The following UNC5D variants were observed in gnomAD, a reference collection of about 807,000 sequenced individuals.
The protein encoded by UNC5D is netrin receptor UNC5D.
UNC5D carries 39 observed loss-of-function variants against 105.4 expected under a neutral mutation model. That is an observed-to-expected ratio of 0.37 (90% confidence interval 0.29 to 0.48). The LOEUF (loss-of-function observed/expected upper bound fraction) is 0.48. UNC5D is among the 20% of genes least tolerant of loss of function. The pLI is 0.98. For synonymous variants in UNC5D, 452 were observed against 450.4 expected (o/e 1.00, Z -0.04); for missense variants, 991 against 1,202.4 (o/e 0.82, Z 2.60).
intron 1 of UNC5D, among the ~76,000 whole-genome samples, chr8:35,392,734 G>C (rs577991304): frequency 1.3e-5 from 2 of 152,190 alleles, no homozygotes; most frequent in African/African-American, 2.4e-5. Flanking sequence ...AGACAACTTG[G>C]TGGGGGTAAA....
intron 1 of UNC5D, among the ~76,000 whole-genome samples, chr8:35,300,665 A>G (rs913991938): frequency 1.1e-4 from 17 of 152,136 alleles, no homozygotes; most frequent in African/African-American, 3.9e-4. Context: ...GATATTATGA[A>G]ACTAAAGTTT....
At chr8:35,568,692 C>G (rs1817528031) in intron 3 of UNC5D, among the ~76,000 whole-genome samples, 1 of 152,182 alleles carries the variant, frequency 6.6e-6, no homozygotes, top group Non-Finnish European at 1.5e-5. Context: ...GACTCCATCT[C>G]AAAACATAAA....
intron 1 of UNC5D, among the ~76,000 whole-genome samples, chr8:35,367,455 A>G (rs1175182424): frequency 1.3e-5 from 2 of 152,218 alleles, no homozygotes; most frequent in African/African-American, 4.8e-5. Flanking sequence ...ACATAAGCAT[A>G]AATGAATCAT....
chr8:35,794,567 G>T lies in UNC5D; in HGVS notation c.*4004G>T, dbSNP rs908962815. The T allele has an allele frequency of 6.6e-6, 1 of 152,590 alleles. No individual in the cohort carries two copies. The highest frequency in any genetic ancestry group is 1.5e-5 in the Non-Finnish European group (1 of 68,022). 9.5% of individuals were successfully genotyped at this position (152,590 alleles called of 1,614,324 possible). A position where few individuals can be genotyped will look rare whatever the true frequency, so the allele number is the denominator to read the frequency against. On this transcript the variant is annotated 3_prime_UTR_variant, in exon 17 of 17. Coordinates refer to ENST00000404895, the MANE Select transcript of UNC5D (RefSeq NM_080872.4). ...CAAAAGCTGAATGACCACCGTTTCC[G>T]TAGTTTCCACTGTTTTGTCTGCATA...
At chr8:35,605,273 T>C (rs879591875) in intron 4 of UNC5D, among the ~76,000 whole-genome samples, 3 of 152,222 alleles carry the variant, frequency 2.0e-5, no homozygotes, top group Non-Finnish European at 4.4e-5. Flanking sequence ...GTCAGGACTC[T>C]CAGCTGCAGG....
At chr8:35,361,935 C>T (rs536351667) in intron 1 of UNC5D, among the ~76,000 whole-genome samples, 13 of 152,046 alleles carry the variant, frequency 8.6e-5, no homozygotes, top group African/African-American at 3.1e-4. Context: ...ATTTTAAGTT[C>T]TGAATTTGGT....
intron 1 of UNC5D, among the ~76,000 whole-genome samples, chr8:35,328,634 C>T (rs1810362004): frequency 6.6e-6 from 1 of 152,126 alleles, no homozygotes; most frequent in Admixed American, 6.6e-5. Flanking sequence ...GGTAACATAG[C>T]AGTCTCTAAG....
chr8:35,540,538 T>G (rs1815204301), intron 1 of UNC5D, among the ~76,000 whole-genome samples: 1 of 151,196 alleles, frequency 6.6e-6, no homozygotes, highest in African/African-American at 2.4e-5. Flanking sequence ...GCAAAAAACT[T>G]AATACAAACT....
intron 1 of UNC5D, among the ~76,000 whole-genome samples, chr8:35,400,774 C>A (rs1400971182): frequency 6.6e-6 from 1 of 152,174 alleles, no homozygotes; most frequent in Non-Finnish European, 1.5e-5. Context: ...TTCGTCACCC[C>A]TCTCATTCAG....
intron 1 of UNC5D, among the ~76,000 whole-genome samples, chr8:35,380,198 GGAGA>G (rs35266582): frequency 3.8e-4 from 52 of 135,184 alleles, no homozygotes; most frequent in East Asian, 3.6e-3. Flanking sequence ...AGACCGAGAG[GGAGA>G]GAGAGAGAGA....
At chr8:35,408,304 TTTTC>T (rs1460578905) in intron 1 of UNC5D, among the ~76,000 whole-genome samples, 1 of 151,986 alleles carries the variant, frequency 6.6e-6, no homozygotes, top group African/African-American at 2.4e-5. Context: ...CTGAAAGTTC[TTTTC>T]TTTCTTTTTT....
chr8:35,748,796 TTGGCAAAGGGTTGG>T, intron 12 of UNC5D, 101 bp downstream of exon 12: 1 of 1,385,692 alleles, frequency 7.2e-7, no homozygotes, highest in Non-Finnish European at 9.7e-7. Flanking sequence ...CATTTCGTTG[TTGGCAAAGGGTTGG>T]TGGCAAGTGT....
intron 7 of UNC5D, among the ~76,000 whole-genome samples, chr8:35,690,173 C>T (rs930299335): frequency 1.3e-5 from 2 of 152,026 alleles, no homozygotes; most frequent in African/African-American, 2.4e-5. Flanking sequence ...CTTTTGATGG[C>T]TATAGTGATG....
chr8:35,765,943 T>A (rs1362974289), intron 14 of UNC5D, among the ~76,000 whole-genome samples: 1 of 152,184 alleles, frequency 6.6e-6, no homozygotes, highest in Non-Finnish European at 1.5e-5. Context: ...ATGTGGTCAT[T>A]GCCAAGGGCC....
At chr8:35,755,397 T>C (rs1830469011) in intron 13 of UNC5D, among the ~76,000 whole-genome samples, 1 of 152,182 alleles carries the variant, frequency 6.6e-6, no homozygotes, top group African/African-American at 2.4e-5. Context: ...AGTTCTTGTG[T>C]TTATCAATAA....
intron 3 of UNC5D, among the ~76,000 whole-genome samples, chr8:35,571,957 C>A (rs1466702445): frequency 6.6e-6 from 1 of 152,036 alleles, no homozygotes; most frequent in Non-Finnish European, 1.5e-5. Flanking sequence ...ATGTTTCCTG[C>A]GTTTAAACAA....
At chr8:35,630,435 C>G (rs1563610322) in intron 4 of UNC5D, among the ~76,000 whole-genome samples, 1 of 152,154 alleles carries the variant, frequency 6.6e-6, no homozygotes, top group Non-Finnish European at 1.5e-5. Flanking sequence ...CCTGAGTTGT[C>G]CGGACTGGCT....
At chr8:35,394,079 G>A (rs1014697360) in intron 1 of UNC5D, among the ~76,000 whole-genome samples, 3 of 150,416 alleles carry the variant, frequency 2.0e-5, no homozygotes, top group African/African-American at 4.9e-5. Flanking sequence ...TTTACATGAC[G>A]TGTATTTCAG....
At chr8:35,754,328 C>A (rs574177967) in intron 13 of UNC5D, among the ~76,000 whole-genome samples, 11 of 152,142 alleles carry the variant, frequency 7.2e-5, no homozygotes, top group African/African-American at 2.7e-4. Context: ...TATGATGATA[C>A]GTTTGTTGTG....
Sources: allele counts gnomAD v4.1 joint callset (sites outside exome capture counted in the v4.1 genomes callset), GRCh38; gene constraint gnomAD v4.1.1; transcripts MANE v1.5; gene names NCBI Gene and HGNC (gene_info 2026-07-23, HGNC 2026-07-21).